The following SMARCA2 variants were observed in gnomAD, a reference collection of about 807,000 sequenced individuals.
The protein encoded by SMARCA2 is SWI/SNF-related matrix-associated actin-dependent regulator of chromatin subfamily A member 2.
Under a neutral mutation model 199.8 loss-of-function variants are expected in SMARCA2, and 61 were observed. The observed-to-expected ratio is 0.31, with a 90% CI of 0.25 to 0.38. The LOEUF is 0.38. Ranked by LOEUF, SMARCA2 falls within the 10% of genes least tolerant of loss-of-function variation. The pLI is 1.00. For synonymous variants in SMARCA2, 935 were observed against 732.0 expected (o/e 1.28, Z -4.48); for missense variants, 1,344 against 2,012.2 (o/e 0.67, Z 6.35).
intron 20 of SMARCA2, chr9:2,096,996 T>C: frequency 1.9e-6 from 1 of 538,502 alleles, no homozygotes; most frequent in Non-Finnish European, 3.3e-6. Context: ...GCTCTGCTTA[T>C]GTCAATTTTG....
At chr9:2,178,257 G>T (rs1826764628) in intron 29 of SMARCA2, among the ~76,000 whole-genome samples, 1 of 152,088 alleles carries the variant, frequency 6.6e-6, no homozygotes, top group African/African-American at 2.4e-5. Flanking sequence ...CTTTAAACTT[G>T]TATTTCAAGT....
At chr9:2,076,795 T>C (rs2130442396) in intron 13 of SMARCA2, among the ~76,000 whole-genome samples, 1 of 152,206 alleles carries the variant, frequency 6.6e-6, no homozygotes, top group Middle Eastern at 3.4e-3. Flanking sequence ...GACCACCAAC[T>C]CTCGCCCAGT....
intron 2 of SMARCA2, among the ~76,000 whole-genome samples, chr9:2,031,190 C>A (rs368076963): frequency 1.2e-4 from 19 of 152,100 alleles, no homozygotes; most frequent in African/African-American, 4.6e-4. Context: ...TATGGATATC[C>A]CTATGACATT....
At chr9:2,082,491 T>G (rs942505284) in intron 15 of SMARCA2, among the ~76,000 whole-genome samples, 1 of 152,192 alleles carries the variant, frequency 6.6e-6, no homozygotes, top group African/African-American at 2.4e-5. Flanking sequence ...GAGGTTATGT[T>G]TCAATGAGTT....
At chr9:2,130,619 A>G (rs933627924) in intron 27 of SMARCA2, among the ~76,000 whole-genome samples, 1 of 152,160 alleles carries the variant, frequency 6.6e-6, no homozygotes, top group Non-Finnish European at 1.5e-5. Context: ...TAACTTTCCT[A>G]TGGTGTGTGC....
At chr9:2,129,178 G>C (rs960511423) in intron 27 of SMARCA2, among the ~76,000 whole-genome samples, 1 of 152,166 alleles carries the variant, frequency 6.6e-6, no homozygotes, top group Non-Finnish European at 1.5e-5. Context: ...CAGCAGTTTG[G>C]GAGGGCGAGG....
At chr9:2,098,465 G>C (rs1292550571) in intron 21 of SMARCA2, among the ~76,000 whole-genome samples, 3 of 152,144 alleles carry the variant, frequency 2.0e-5, no homozygotes, top group Non-Finnish European at 4.4e-5. Flanking sequence ...TTTCCTAGCT[G>C]TGCTGGATAA....
chr9:2,018,863 T>C (rs1437361047), intron 1 of SMARCA2, among the ~76,000 whole-genome samples: 3 of 152,208 alleles, frequency 2.0e-5, no homozygotes, highest in Non-Finnish European at 4.4e-5. Context: ...AACCAGAAGC[T>C]TGTTGGCCAG....
At chr9:2,103,312 G>C (rs1196408685) in intron 22 of SMARCA2, among the ~76,000 whole-genome samples, 1 of 152,144 alleles carries the variant, frequency 6.6e-6, no homozygotes, top group East Asian at 1.9e-4. Flanking sequence ...GCTGTGTTCT[G>C]ATAAAACCTT....
intron 27 of SMARCA2, among the ~76,000 whole-genome samples, chr9:2,138,165 CA>C (rs1424264720): frequency 1.5e-5 from 2 of 133,444 alleles, no homozygotes; most frequent in African/African-American, 3.6e-5. Flanking sequence ...ATTTCTTCAG[CA>C]AAAAACAACA....
intron 10 of SMARCA2, 40 bp from the exon 11 acceptor site, chr9:2,073,172 C>G (rs1339100201): frequency 6.2e-7 from 1 of 1,612,424 alleles, no homozygotes. Context: ...GGGGGAAGGT[C>G]TTAACATGAA....
intron 27 of SMARCA2, among the ~76,000 whole-genome samples, chr9:2,143,623 G>C (rs146206284): frequency 6.6e-6 from 1 of 152,306 alleles, no homozygotes; most frequent in East Asian, 1.9e-4. Context: ...ACTATATGAT[G>C]ACAAATAGGA....
chr9:2,056,866 G>C lies in SMARCA2; in HGVS notation c.1347+21G>C, dbSNP rs1456471080. On this transcript the variant is annotated intron_variant, in intron 7 of 33. Transcript: ENST00000349721. This position sits in a 1 kb window ranked among gnomAD's most constrained non-coding sequence, Gnocchi z 4.0. ...ACCAGGTTCTTAGACCCTGGGCTTT[G>C]CTCACCCTCACTTTGGCAGAGCTGT... The C allele has an allele frequency of 1.2e-6, 2 of 1,606,178 alleles. No homozygotes were observed. Among genetic ancestry groups the C allele is most frequent in the African/African-American group, 1.3e-5 (1 of 74,382 alleles).
At chr9:2,103,721 A>G (rs994604693) in intron 22 of SMARCA2, among the ~76,000 whole-genome samples, 1 of 151,958 alleles carries the variant, frequency 6.6e-6, no homozygotes, top group Admixed American at 6.6e-5. Flanking sequence ...AGAAAGATTG[A>G]AAGTATTAAG....
intron 27 of SMARCA2, among the ~76,000 whole-genome samples, chr9:2,134,830 C>T (rs747534063): frequency 5.9e-5 from 9 of 152,124 alleles, no homozygotes; most frequent in Non-Finnish European, 1.0e-4. Context: ...GGTCTTTCTA[C>T]AACAGGAGGT....
intron 4 of SMARCA2, 82 bp from the exon 5 acceptor site, chr9:2,047,146 GC>G: frequency 2.0e-6 from 2 of 984,412 alleles, no homozygotes; most frequent in Non-Finnish European, 1.2e-6. Context: ...CCAGCACTGG[GC>G]CCCGGGGGGC....
In SMARCA2 at chr9:2,153,317, G is replaced by A. The variant is rs78090616; in HGVS notation, c.3982-8369G>A. 2.9e-3 allele frequency among the ~76,000 whole-genome samples: 439 copies of A among 152,264 alleles called. 2 individuals are homozygous for A. Among genetic ancestry groups the A allele is most frequent in the Non-Finnish European group, 5.4e-3 (365 of 68,018 alleles). ...TTTGGGAGGCCAAAGCAGGAAGATC[G>A]CTTGCGCCCAGGAGTTCAAGACAAG... On this transcript the variant is annotated intron_variant, in intron 27 of 33. Transcript: ENST00000349721.
At chr9:2,093,382 C>G (rs761413374) in intron 19 of SMARCA2, among the ~76,000 whole-genome samples, 16 of 152,160 alleles carry the variant, frequency 1.1e-4, no homozygotes, top group Non-Finnish European at 2.2e-4. Flanking sequence ...ACACCGGTAC[C>G]TATGTGGTAG....
intron 27 of SMARCA2, among the ~76,000 whole-genome samples, chr9:2,129,342 C>T (rs142191519): frequency 1.2e-4 from 18 of 152,214 alleles, no homozygotes; most frequent in East Asian, 7.7e-4. Flanking sequence ...CGCTTGAACC[C>T]GGGAGGCAGA....
Sources: gnomAD v4.1 joint callset for allele counts (sites outside exome capture counted in the v4.1 genomes callset) on GRCh38, gnomAD v4.1.1 for gene constraint, Gnocchi (gnomAD v3.1) non-coding constraint, MANE v1.5 for transcripts, NCBI Gene and HGNC (gene_info 2026-07-23, HGNC 2026-07-21) for gene names.